SYT6: variants seen among roughly 807,000 people sequenced by gnomAD.
The protein encoded by SYT6 is synaptotagmin-6.
SYT6 carries 24 observed loss-of-function variants against 38.4 expected under a neutral mutation model. The observed-to-expected ratio is 0.62, with a 90% CI of 0.45 to 0.88. The LOEUF is 0.88. Ranked by LOEUF, SYT6 falls within the 40% of genes least tolerant of loss-of-function variation. The pLI, the probability that SYT6 is intolerant of heterozygous loss-of-function variation, is 0.00. For synonymous variants in SYT6, 265 were observed against 241.9 expected (o/e 1.10, Z -0.89); for missense variants, 611 against 621.0 (o/e 0.98, Z 0.17).
chr1:114,123,739 G>A (rs568768250), intron 3 of SYT6, among the ~76,000 whole-genome samples: 1 of 152,252 alleles, frequency 6.6e-6, no homozygotes, highest in African/African-American at 2.4e-5. Flanking sequence ...GAAAGAGCCT[G>A]GTAATATAAA....
At chr1:114,113,101 G>T (rs1043942669) in intron 3 of SYT6, among the ~76,000 whole-genome samples, 10 of 152,158 alleles carry the variant, frequency 6.6e-5, no homozygotes, top group Non-Finnish European at 1.3e-4. Flanking sequence ...TCTCTTTGGG[G>T]ACAGTCACCC....
At chr1:114,092,311 A>ACTCTCTCT (rs35257020) in intron 7 of SYT6, among the ~76,000 whole-genome samples, 3,092 of 133,126 alleles carry the variant, frequency 0.023, 91 homozygotes, top group African/African-American at 0.082. Flanking sequence ...AGCTTTCTTA[A>ACTCTCTCT]CTCTCTCTCT....
intron 1 of SYT6, chr1:114,152,140 T>C (rs531956267): frequency 2.6e-5 from 4 of 152,012 alleles, no homozygotes; most frequent in African/African-American, 9.7e-5. Context: ...TCTACCTCTA[T>C]ATACGACCTT....
rs773143623 is a variant in SYT6 at position 114,099,106 on chromosome 1, A to G, written c.1352T>C (p.Met451Thr). Residue 451 changes from methionine (M) to threonine (T), a missense_variant, in exon 5 of 8, where the codon ATG (methionine) becomes ACG (threonine). By Grantham distance (81) the Met-to-Thr change is moderately conservative. Transcript: ENST00000610222. Reference protein sequence around the residue: ...MDQVSLLISVMDYDRVGHNEI... With the variant: ...MDQVSLLISVTDYDRVGHNEI... ...GACGCCTACCTACCGATCATAGTCC[A>G]TGACTGAGATGAGCAGGCTGACTTG... 2.5e-6 allele frequency: 4 copies of G among 1,613,298 alleles called. No individual in the cohort carries two copies. Among genetic ancestry groups the G allele is most frequent in the Non-Finnish European group, 2.5e-6 (3 of 1,179,520 alleles).
intron 6 of SYT6, among the ~76,000 whole-genome samples, chr1:114,097,438 G>A (rs1382646915): frequency 6.6e-6 from 1 of 152,220 alleles, no homozygotes; most frequent in African/African-American, 2.4e-5. Context: ...CTTTGTGAAA[G>A]CATTTCAGAC....
At chr1:114,141,473 C>T (rs758104654) in intron 1 of SYT6, among the ~76,000 whole-genome samples, 3 of 152,168 alleles carry the variant, frequency 2.0e-5, no homozygotes, top group South Asian at 2.1e-4. Context: ...GCAGAAGAAA[C>T]GTTTGAATCT....
intron 1 of SYT6, among the ~76,000 whole-genome samples, chr1:114,150,912 A>G (rs1679409511): frequency 6.6e-6 from 1 of 152,210 alleles, no homozygotes; most frequent in South Asian, 2.1e-4. Flanking sequence ...AGTCTCAGCA[A>G]ATGACAGTGG....
At chr1:114,124,500 GGGCAGGTGCCCACCA>G (rs1375689396) in intron 3 of SYT6, among the ~76,000 whole-genome samples, 1 of 152,078 alleles carries the variant, frequency 6.6e-6, no homozygotes, top group African/African-American at 2.4e-5. Flanking sequence ...GGGGAGCTGG[GGGCAGGTGCCCACCA>G]GCAGTCTGCT....
chr1:114,102,873 T>C (rs1676050580), intron 4 of SYT6, among the ~76,000 whole-genome samples: 1 of 152,182 alleles, frequency 6.6e-6, no homozygotes, highest in African/African-American at 2.4e-5. Context: ...CCTCTGTTAT[T>C]TCCAAACTCA....
chr1:114,101,253 C>T (rs1448262723), intron 4 of SYT6, among the ~76,000 whole-genome samples: 1 of 152,246 alleles, frequency 6.6e-6, no homozygotes. Context: ...TCACCAGCAT[C>T]CATGAAGCCA....
intron 4 of SYT6, 122 bp downstream of exon 4, chr1:114,103,479 T>A (rs1676085590): frequency 7.4e-7 from 1 of 1,355,340 alleles, no homozygotes; most frequent in African/African-American, 1.5e-5. Flanking sequence ...TCCAGGCAGT[T>A]TGTGTCCAGA....
intron 3 of SYT6, among the ~76,000 whole-genome samples, chr1:114,131,924 C>A (rs984667204): frequency 1.3e-5 from 2 of 152,194 alleles, no homozygotes; most frequent in African/African-American, 4.8e-5. Flanking sequence ...TCTTCTGGAT[C>A]CCCTGATGAG....
chr1:114,124,138 C>T (rs552104230), intron 3 of SYT6, among the ~76,000 whole-genome samples: 5 of 152,320 alleles, frequency 3.3e-5, no homozygotes, highest in African/African-American at 1.2e-4. Flanking sequence ...AGGAAAATGG[C>T]TTTACAAGCC....
At chr1:114,109,399 G>C (rs1412380252) in intron 3 of SYT6, among the ~76,000 whole-genome samples, 1 of 152,210 alleles carries the variant, frequency 6.6e-6, no homozygotes, top group Non-Finnish European at 1.5e-5. Flanking sequence ...TGAGAATGTG[G>C]ATTTGGGGTC....
chr1:114,099,018 A>C, intron 5 of SYT6, 76 bp downstream of exon 5: 1 of 1,459,198 alleles, frequency 6.9e-7, no homozygotes, highest in East Asian at 2.3e-5. Context: ...CACAAGGTCT[A>C]AGGTCAAGGA....
rs369780020 is a variant in SYT6, at chr1:114,099,013, G to A, written c.1364+81C>T. ...CCTAAAGCTGAGCCCTGAATCACAA[G>A]GTCTAAGGTCAAGGAGCCCTGTGCT... On this transcript the variant is annotated intron_variant, in intron 5 of 7. Coordinates refer to ENST00000610222, the MANE Select transcript of SYT6 (RefSeq NM_001253772.2). 17 of 1,408,460 alleles carry A rather than the reference G, an allele frequency of 1.2e-5. No homozygotes were observed. In the African/African-American group the frequency reaches 1.7e-4, roughly 14 times the overall value. The allele number at this position is 1,408,460 out of a possible 1,614,324, so 87.2% of individuals were successfully genotyped here. A position where few individuals can be genotyped will look rare whatever the true frequency, so the allele number is the denominator to read the frequency against.
At chr1:114,111,801 C>T (rs1291975393) in intron 3 of SYT6, among the ~76,000 whole-genome samples, 4 of 72,448 alleles carry the variant, frequency 5.5e-5, no homozygotes, top group African/African-American at 1.3e-4. Context: ...GACGCTCTGC[C>T]CGCCCCACGT....
chr1:114,112,527 T>C (rs1177082011), intron 3 of SYT6, among the ~76,000 whole-genome samples: 3 of 152,204 alleles, frequency 2.0e-5, no homozygotes, highest in African/African-American at 7.2e-5. Flanking sequence ...CTAATGACTT[T>C]TTAAAGTGAG....
intron 5 of SYT6, among the ~76,000 whole-genome samples, 176 bp from the exon 6 acceptor site, chr1:114,098,053 C>G (rs977089012): frequency 1.3e-5 from 2 of 152,190 alleles, no homozygotes; most frequent in Admixed American, 1.3e-4. Flanking sequence ...TTTGCCTAGT[C>G]CCCTTCAGTG....
Sources: gnomAD v4.1 joint callset for allele counts (sites outside exome capture counted in the v4.1 genomes callset) on GRCh38, gnomAD v4.1.1 for gene constraint, MANE v1.5 for transcripts, NCBI Gene and HGNC (gene_info 2026-07-23, HGNC 2026-07-21) for gene names.